Variants in ZFR2 observed in about 807,000 individuals in gnomAD.
ZFR2 encodes the protein zinc finger RNA binding protein 2.
A neutral mutation model predicts 105.7 loss-of-function variants in ZFR2; 104 were observed. That is an observed-to-expected ratio of 0.98 (90% CI 0.84 to 1.16). The LOEUF is 1.16. Ranked by LOEUF, ZFR2 falls within the 50% of genes most tolerant of loss-of-function variation. The probability of loss-of-function intolerance (pLI) is 0.00; values close to 1 mark genes in which losing one functional copy is unlikely to be tolerated. For missense variants in ZFR2, 1,425 were observed against 1,355.5 expected, an observed-to-expected ratio of 1.05 and a Z score of -0.80; for synonymous variants, 634 against 597.7, an observed-to-expected ratio of 1.06 and a Z score of -0.89.
rs1440437998 is a variant in ZFR2, at chr19:3,849,069, G to GT, written c.54-14087dup. Among the ~76,000 whole-genome samples, 4 of 152,312 alleles carry GT rather than the reference G, an allele frequency of 2.6e-5. No individual in the cohort carries two copies. The South Asian group carries it at 8.3e-4, about 32-fold the overall frequency. ...AGCGTTCAGTACTAGATAGTAAATCGTGAGTAGCTTTCTGGGGAGGAAGCT... is the reference window on the plus strand; with the variant it reads ...AGCGTTCAGTACTAGATAGTAAATCGTTGAGTAGCTTTCTGGGGAGGAAGCT... On this transcript the variant is annotated intron_variant, in intron 1 of 18. Transcript: ENST00000262961.
Position 3,834,746 on chromosome 19 carries a change from A to T in ZFR2, c.264+27T>A, listed in dbSNP as rs762249272. 6.2e-7 allele frequency: 1 copy of T among 1,607,928 alleles called. No homozygotes were observed. Among genetic ancestry groups the T allele is most frequent in the South Asian group, 1.1e-5 (1 of 90,418 alleles). On this transcript the variant is annotated intron_variant, in intron 2 of 18. Coordinates refer to ENST00000262961, the MANE Select transcript of ZFR2 (RefSeq NM_015174.2). The surrounding 1 kb of genome is among the most constrained non-coding windows in gnomAD (Gnocchi z 5.3). Reference sequence around the variant, plus strand: ...GCAAGGCGACCCACGTTTCCCGGCAACGCTGGTCAAAGAAAGGACTGGATA... The same window carrying T: ...GCAAGGCGACCCACGTTTCCCGGCATCGCTGGTCAAAGAAAGGACTGGATA...
At chr19:3,831,984 G>T in intron 3 of ZFR2, 106 bp from the exon 4 acceptor site, 1 of 979,946 alleles carries the variant, frequency 1.0e-6, no homozygotes, top group Non-Finnish European at 1.4e-6. Flanking sequence ...AGATGCTTAA[G>T]CCAGGACCAG....
intron 1 of ZFR2, among the ~76,000 whole-genome samples, chr19:3,856,455 C>T (rs1157282635): frequency 2.0e-5 from 3 of 152,056 alleles, no homozygotes; most frequent in Admixed American, 6.5e-5. Context: ...GTGCACGGTT[C>T]GGTGGCATCT....
chr19:3,852,321 AGGT>A (rs1388368654), intron 1 of ZFR2: 1 of 623,444 alleles, frequency 1.6e-6, no homozygotes, highest in Non-Finnish European at 2.9e-6. Context: ...ATCCTGGTGG[AGGT>A]GGGCCTCAGC....
chr19:3,843,991 C>T (rs908723193), intron 1 of ZFR2, among the ~76,000 whole-genome samples: 23 of 120,584 alleles, frequency 1.9e-4, no homozygotes, highest in African/African-American at 6.4e-4. Flanking sequence ...GTGTCAGATT[C>T]ACAGAGACAG....
intron 8 of ZFR2, among the ~76,000 whole-genome samples, chr19:3,822,527 G>A (rs1215159068): frequency 1.3e-5 from 2 of 151,846 alleles, no homozygotes; most frequent in Non-Finnish European, 1.5e-5. Context: ...TCAACATAGC[G>A]AGACCCCCAT....
Position 3,813,089 on chromosome 19 carries a change from A to G in ZFR2, c.2242+731T>C, listed in dbSNP as rs1451829824. 1.3e-5 allele frequency among the ~76,000 whole-genome samples: 2 copies of G among 152,294 alleles called. No individual in the cohort carries two copies. The highest frequency in any genetic ancestry group is 2.1e-4 in the South Asian group (1 of 4,822). Reference sequence around the variant, plus strand: ...AGCGAGACTCTGTCTCAAAAAACAAACAAACAAAAAATACCAAATCGATTG... The same window carrying G: ...AGCGAGACTCTGTCTCAAAAAACAAGCAAACAAAAAATACCAAATCGATTG... On this transcript the variant is annotated intron_variant, in intron 14 of 18. Transcript: ENST00000262961. This position sits in a 1 kb window ranked among gnomAD's most constrained non-coding sequence, Gnocchi z 4.4.
intron 1 of ZFR2, among the ~76,000 whole-genome samples, chr19:3,849,762 C>T (rs371327400): frequency 9.2e-5 from 14 of 152,348 alleles, no homozygotes; most frequent in East Asian, 3.9e-4. Context: ...AAAAAGAACA[C>T]GCTCTTCTTG....
At chr19:3,839,052 G>A (rs1321743411) in intron 1 of ZFR2, among the ~76,000 whole-genome samples, 1 of 152,116 alleles carries the variant, frequency 6.6e-6, no homozygotes, top group Admixed American at 6.5e-5. Flanking sequence ...ACAGAAGGAT[G>A]GACATGTCCC....
At chr19:3,826,844 GC>G (rs1472596221) in intron 6 of ZFR2, among the ~76,000 whole-genome samples, 1 of 152,182 alleles carries the variant, frequency 6.6e-6, no homozygotes, top group Non-Finnish European at 1.5e-5. Flanking sequence ...CACAGGGCAA[GC>G]CCTGTCTGTC....
chr19:3,842,915 G>A (rs953160718), intron 1 of ZFR2, among the ~76,000 whole-genome samples: 6 of 152,104 alleles, frequency 3.9e-5, no homozygotes, highest in South Asian at 2.1e-4. Flanking sequence ...GTAAGCCACC[G>A]TGCCTGGCCC....
rs1256322468 is a variant in ZFR2 at position 3,813,215 on chromosome 19, T to A, written c.2242+605A>T. Among the ~76,000 whole-genome samples the A allele has an allele frequency of 6.6e-6, 1 of 152,224 alleles. No individual in the cohort carries two copies. The highest frequency in any genetic ancestry group is 1.5e-5 in the Non-Finnish European group (1 of 68,030). ...GTTTGGAAAACTGCCCTAGAGACTG[T>A]TCTGGAAGATTCCACAGCTGGCTGA... On this transcript the variant is annotated intron_variant, in intron 14 of 18. Coordinates refer to ENST00000262961, the MANE Select transcript of ZFR2 (RefSeq NM_015174.2). The surrounding 1 kb of genome is among the most constrained non-coding windows in gnomAD (Gnocchi z 4.4).
At chr19:3,815,068 TG>T (rs2037810347) in intron 13 of ZFR2, among the ~76,000 whole-genome samples, 1 of 152,104 alleles carries the variant, frequency 6.6e-6, no homozygotes, top group Non-Finnish European at 1.5e-5. Context: ...GGAACGACTC[TG>T]GGGACTGATT....
chr19:3,839,316 C>T (rs142947007), intron 1 of ZFR2, among the ~76,000 whole-genome samples: 1,932 of 151,940 alleles, frequency 0.013, 69 homozygotes, highest in Admixed American at 0.072. Flanking sequence ...GCAGATTACC[C>T]GAGGTCAGGA....
At chr19:3,825,428 C>T in intron 6 of ZFR2, 21 bp from the exon 7 acceptor site, 2 of 1,552,738 alleles carry the variant, frequency 1.3e-6, no homozygotes, top group Non-Finnish European at 1.7e-6. Context: ...CAGAGCCGGG[C>T]TCCCGCGTGA....
rs1030729794 is a variant in ZFR2, at chr19:3,813,626, C to T, written c.2242+194G>A. Among the ~76,000 whole-genome samples the T allele has an allele frequency of 1.6e-4, 25 of 152,316 alleles. No homozygotes were observed. Among genetic ancestry groups the T allele is most frequent in the African/African-American group, 4.8e-4 (20 of 41,568 alleles). ...AGCCCATCTGATGCTGTCACCGACT[C>T]GCCGCCTCTGCTGCCCGGAGACCCA... is the stretch of plus-strand genomic sequence containing the variant. On this transcript the variant is annotated intron_variant, in intron 14 of 18. Transcript: ENST00000262961. The surrounding 1 kb of genome is among the most constrained non-coding windows in gnomAD (Gnocchi z 4.4).
chr19:3,835,360 C>G (rs1378732663), intron 1 of ZFR2, among the ~76,000 whole-genome samples: 2 of 152,046 alleles, frequency 1.3e-5, no homozygotes, highest in East Asian at 3.9e-4. Context: ...GGGTCTCGCT[C>G]TGTTGCCCAG....
intron 10 of ZFR2, 24 bp from the exon 11 acceptor site, chr19:3,820,314 G>T: frequency 6.5e-7 from 1 of 1,533,240 alleles, no homozygotes. Context: ...ACGTGACAGA[G>T]CATGGTCAGG....
chr19:3,809,670 G>T (rs561496174), intron 16 of ZFR2, among the ~76,000 whole-genome samples: 1 of 152,184 alleles, frequency 6.6e-6, no homozygotes, highest in Non-Finnish European at 1.5e-5. Context: ...AAGGTCCGGC[G>T]CGGTGGCTCA....
Sources: gnomAD v4.1 joint callset for allele counts (sites outside exome capture counted in the v4.1 genomes callset) on GRCh38, gnomAD v4.1.1 for gene constraint, Gnocchi (gnomAD v3.1) non-coding constraint, MANE v1.5 for transcripts, NCBI Gene and HGNC (gene_info 2026-07-23, HGNC 2026-07-21) for gene names.